The following TOM1L2 variants were observed in gnomAD, a reference collection of about 807,000 sequenced individuals.
The protein encoded by TOM1L2 is TOM1-like protein 2.
In TOM1L2, 31 loss-of-function variants were observed where a neutral mutation model predicts 67.9. The observed-to-expected ratio is 0.46, with a 90% CI of 0.34 to 0.62. The LOEUF is 0.62. Ranked by LOEUF, TOM1L2 falls within the 20% of genes least tolerant of loss-of-function variation. TOM1L2 has a pLI of 0.01. For missense variants in TOM1L2, 606 were observed against 663.5 expected (o/e 0.91, Z 0.95); for synonymous variants, 256 against 254.0 (o/e 1.01, Z -0.07).
At chr17:17,887,274 C>T (rs12943500) in intron 4 of TOM1L2, among the ~76,000 whole-genome samples, 58,779 of 152,194 alleles carry the variant, frequency 0.39, 14,546 homozygotes, top group Non-Finnish European at 0.57. Flanking sequence ...GATGAGATGG[C>T]TGCTAACAGA....
At chr17:17,882,359 G>A (rs1054422372) in intron 6 of TOM1L2, among the ~76,000 whole-genome samples, 6 of 152,216 alleles carry the variant, frequency 3.9e-5, no homozygotes, top group Non-Finnish European at 5.9e-5. Context: ...AGAGAGCAGC[G>A]TCTGCATCTC....
At chr17:17,946,763 C>T (rs565657301) in intron 1 of TOM1L2, among the ~76,000 whole-genome samples, 13 of 152,108 alleles carry the variant, frequency 8.5e-5, no homozygotes, top group African/African-American at 3.1e-4. Flanking sequence ...CTCACTCTAT[C>T]GCCCAGGCTG....
chr17:17,972,297 C>T lies in TOM1L2; in HGVS notation c.17G>A (p.Gly6Glu). ...CCCCACTGGTGTGCTGAACGGGTTC[C>T]CCAGGAGGAACTCCATCTTGGGTGG... MEFLL[G>E]NPFSTPVGQC... The change falls in exon 1 of 15, where the codon GGG becomes GAG. Residue 6 changes from glycine to glutamate, a missense_variant. By Grantham distance (98) the Gly-to-Glu change is moderately conservative. Around this residue, in one of 2 missense-constraint regions of TOM1L2, gnomAD observed 63 missense variants for 109.5 expected, o/e 0.58. Coordinates refer to ENST00000379504, the MANE Select transcript of TOM1L2 (RefSeq NM_001082968.2). The T allele has an allele frequency of 1.3e-6, 2 of 1,552,004 alleles. No homozygotes were observed. Among genetic ancestry groups the T allele is most frequent in the Non-Finnish European group, 1.7e-6 (2 of 1,148,394 alleles).
At chr17:17,938,190 T>C (rs1041518970) in intron 1 of TOM1L2, among the ~76,000 whole-genome samples, 4 of 152,154 alleles carry the variant, frequency 2.6e-5, no homozygotes, top group Non-Finnish European at 5.9e-5. Flanking sequence ...AGCAAGTCAT[T>C]TTCATTTAAC....
rs1038113584 is a variant in TOM1L2, at chr17:17,847,458, G to C, written c.*177C>G. 2 of 765,054 alleles carry C rather than the reference G, an allele frequency of 2.6e-6. No individual in the cohort carries two copies. Among genetic ancestry groups the C allele is most frequent in the Non-Finnish European group, 4.1e-6 (2 of 491,634 alleles). 47.4% of individuals were successfully genotyped at this position (765,054 alleles called of 1,614,324 possible). On this transcript the variant is annotated 3_prime_UTR_variant, in exon 15 of 15. Coordinates refer to ENST00000379504, the MANE Select transcript of TOM1L2 (RefSeq NM_001082968.2). ...CAGTTGTCCCACCACTCAGAGAAAAGAAGTGGCTGAAGCTGGTCCTGACTA... is the reference window on the plus strand; with the variant it reads ...CAGTTGTCCCACCACTCAGAGAAAACAAGTGGCTGAAGCTGGTCCTGACTA...
intron 1 of TOM1L2, among the ~76,000 whole-genome samples, chr17:17,970,211 C>T (rs940792281): frequency 2.6e-5 from 4 of 151,710 alleles, no homozygotes; most frequent in African/African-American, 7.3e-5. Flanking sequence ...CATGCCACCA[C>T]GCCTGGCTAA....
intron 1 of TOM1L2, among the ~76,000 whole-genome samples, chr17:17,923,856 G>A (rs1427865740): frequency 6.6e-6 from 1 of 151,906 alleles, no homozygotes; most frequent in African/African-American, 2.4e-5. Flanking sequence ...GAAAAAAAAA[G>A]GCCGGGCGCG....
intron 1 of TOM1L2, among the ~76,000 whole-genome samples, chr17:17,908,737 A>G (rs2039207844): frequency 6.6e-6 from 1 of 152,238 alleles, no homozygotes; most frequent in African/African-American, 2.4e-5. Flanking sequence ...ACACAATGAA[A>G]TATCACCTCA....
chr17:17,889,222 C>T (rs773440314), intron 4 of TOM1L2, among the ~76,000 whole-genome samples: 9 of 152,208 alleles, frequency 5.9e-5, no homozygotes, highest in South Asian at 2.1e-4. Context: ...AGCCCCCATA[C>T]GGGAAAGGAA....
chr17:17,875,791 G>A (rs774935203), intron 7 of TOM1L2, among the ~76,000 whole-genome samples: 53 of 152,332 alleles, frequency 3.5e-4, no homozygotes, highest in Non-Finnish European at 7.2e-4. Flanking sequence ...GAAGGAACAC[G>A]GAATAAGGTC....
At position 17,847,756 on chromosome 17, in the gene TOM1L2, G is replaced by C. The variant is rs1354242684; in HGVS notation, c.1403C>G (p.Ala468Gly). 6.2e-7 allele frequency: 1 copy of C among 1,613,942 alleles called. No individual in the cohort carries two copies. The highest frequency in any genetic ancestry group is 1.7e-5 in the Admixed American group (1 of 60,006). The part of the protein sequence containing the change: ...EEFDKFLEER[A>G]KAAEMVPDLP... ...GTCGGGAACCATTTCAGCAGCTTTGGCTCTTTCTTCAAGGAATTTATCAAA... is the reference window on the plus strand; with the variant it reads ...GTCGGGAACCATTTCAGCAGCTTTGCCTCTTTCTTCAAGGAATTTATCAAA... The change falls in exon 15 of 15, where the codon GCC (alanine) becomes GGC (glycine). Residue 468 changes from alanine to glycine, a missense_variant. By Grantham distance (60) the Ala-to-Gly change is moderately conservative. Around this residue, in one of 2 missense-constraint regions of TOM1L2, gnomAD observed 543 missense variants for 554.0 expected, o/e 0.98. Coordinates refer to ENST00000379504, the MANE Select transcript of TOM1L2 (RefSeq NM_001082968.2).
chr17:17,882,386 T>C (rs2037769586), intron 6 of TOM1L2, among the ~76,000 whole-genome samples: 1 of 152,242 alleles, frequency 6.6e-6, no homozygotes, highest in South Asian at 2.1e-4. Flanking sequence ...TAAATGTCAT[T>C]GCTGAGCATG....
intron 10 of TOM1L2, chr17:17,863,266 T>A (rs2036660397): frequency 5.8e-6 from 1 of 171,146 alleles, no homozygotes; most frequent in African/African-American, 2.4e-5. Flanking sequence ...AGATCTTGAG[T>A]AGACCAAATT....
chr17:17,848,243 G>A (rs1304530749), intron 14 of TOM1L2, among the ~76,000 whole-genome samples: 1 of 152,190 alleles, frequency 6.6e-6, no homozygotes, highest in East Asian at 1.9e-4. Flanking sequence ...TAGGGAGCAG[G>A]GTCCTCTGAA....
At chr17:17,854,690 A>G (rs1262300136) in intron 12 of TOM1L2, among the ~76,000 whole-genome samples, 3 of 149,052 alleles carry the variant, frequency 2.0e-5, no homozygotes, top group African/African-American at 5.0e-5. Flanking sequence ...ACACCTGCCT[A>G]ATTTTTTTTT....
Position 17,847,418 on chromosome 17 carries a change from G to A in TOM1L2, c.*217C>T, listed in dbSNP as rs1361283775. On this transcript the variant is annotated 3_prime_UTR_variant, in exon 15 of 15. Transcript: ENST00000379504. ...CAGAGGGGCCCATGGTGGGAGGGGA[G>A]AGAGTCTCTGGCTGCAGTTGTCCCA... 4.9e-6 allele frequency: 3 copies of A among 614,906 alleles called. No homozygotes were observed. Among genetic ancestry groups the A allele is most frequent in the Admixed American group, 3.2e-5 (1 of 30,846 alleles). 38.1% of individuals were successfully genotyped at this position (614,906 alleles called of 1,614,324 possible).
At chr17:17,968,664 C>CAA (rs11298542) in intron 1 of TOM1L2, among the ~76,000 whole-genome samples, 2 of 115,918 alleles carry the variant, frequency 1.7e-5, no homozygotes, top group Non-Finnish European at 3.8e-5. Context: ...GACTCCATCT[C>CAA]AAAAAAAAAA....
intron 1 of TOM1L2, among the ~76,000 whole-genome samples, chr17:17,963,469 C>G (rs553083366): frequency 6.6e-6 from 1 of 152,318 alleles, no homozygotes; most frequent in African/African-American, 2.4e-5. Flanking sequence ...AGGACCGCTC[C>G]GCCTACTTGA....
In TOM1L2 at chr17:17,925,363, T is replaced by C. The variant is rs1359632139; in HGVS notation, c.53-17832A>G. 2.6e-5 allele frequency among the ~76,000 whole-genome samples: 4 copies of C among 152,050 alleles called. No individual in the cohort carries two copies. In the South Asian group the frequency reaches 6.2e-4, roughly 24 times the overall value. On this transcript the variant is annotated intron_variant, in intron 1 of 14. Coordinates refer to ENST00000379504, the MANE Select transcript of TOM1L2 (RefSeq NM_001082968.2). ...ATATGGATAATGCCTGGAAGATAAATGGGAAAAAGTGAAAATAATCAGTGT... is the reference window on the plus strand; with the variant it reads ...ATATGGATAATGCCTGGAAGATAAACGGGAAAAAGTGAAAATAATCAGTGT...
Sources: allele counts gnomAD v4.1 joint callset (sites outside exome capture counted in the v4.1 genomes callset), GRCh38; gene constraint gnomAD v4.1.1; regional missense constraint gnomAD v4.1.1; transcripts MANE v1.5; gene names NCBI Gene and HGNC (gene_info 2026-07-23, HGNC 2026-07-21).